Variants in HPSE2 observed in about 807,000 individuals in gnomAD.
HPSE2 encodes inactive heparanase-2.
In HPSE2, 38 loss-of-function variants were observed where a neutral mutation model predicts 60.5. That is an observed-to-expected ratio of 0.63 (90% CI 0.48 to 0.82). The LOEUF (loss-of-function observed/expected upper bound fraction) is 0.82, where lower values mean the gene tolerates loss of function less well. HPSE2 is among the 40% of genes least tolerant of loss of function. The probability of loss-of-function intolerance (pLI) is 0.00; values close to 1 mark genes in which losing one functional copy is unlikely to be tolerated. For missense variants in HPSE2, 713 were observed against 740.4 expected (o/e 0.96, Z 0.43); for synonymous variants, 295 against 293.2 (o/e 1.01, Z -0.06).
In HPSE2 at chr10:99,144,228, A is replaced by T; in HGVS notation, c.610+10T>A. On this transcript the variant is annotated intron_variant, in intron 3 of 11. Transcript: ENST00000370552. ...TGCTCTAAGATTTCAACCAACTCCAATAGCCTTACCTGTTAATATGAGATT... is the reference window on the plus strand; with the variant it reads ...TGCTCTAAGATTTCAACCAACTCCATTAGCCTTACCTGTTAATATGAGATT... 6.2e-7 allele frequency: 1 copy of T among 1,613,450 alleles called. No individual in the cohort carries two copies. The highest frequency in any genetic ancestry group is 8.5e-7 in the Non-Finnish European group (1 of 1,179,884).
At chr10:98,531,794 T>A (rs1415487039) in intron 9 of HPSE2, among the ~76,000 whole-genome samples, 1 of 152,148 alleles carries the variant, frequency 6.6e-6, no homozygotes, top group African/African-American at 2.4e-5. Flanking sequence ...CTGGTGACTC[T>A]GTATTTCCCC....
intron 3 of HPSE2, among the ~76,000 whole-genome samples, chr10:98,874,714 T>G (rs1254701191): frequency 1.3e-5 from 2 of 151,970 alleles, no homozygotes; most frequent in African/African-American, 4.8e-5. Context: ...TGCTTCCAAC[T>G]TTTGCCCATT....
chr10:99,048,726 T>C (rs1469108985), intron 3 of HPSE2, among the ~76,000 whole-genome samples: 5 of 152,172 alleles, frequency 3.3e-5, no homozygotes, highest in Non-Finnish European at 7.3e-5. Context: ...ATCCCATTAC[T>C]AGGTATATAC....
intron 5 of HPSE2, among the ~76,000 whole-genome samples, chr10:98,697,463 G>T (rs1048330841): frequency 5.3e-5 from 8 of 152,226 alleles, no homozygotes; most frequent in South Asian, 2.1e-4. Context: ...AGAGAAAAAA[G>T]AATGAAAAGG....
chr10:98,884,243 T>C (rs1233964161), intron 3 of HPSE2, among the ~76,000 whole-genome samples: 1 of 152,096 alleles, frequency 6.6e-6, no homozygotes, highest in Non-Finnish European at 1.5e-5. Flanking sequence ...AAAGAAGCTA[T>C]CTCCAGAACA....
rs114213078 is a variant in HPSE2 at position 98,683,528 on chromosome 10, C to T, written c.1004+10372G>A. On this transcript the variant is annotated intron_variant, in intron 6 of 11. Coordinates refer to ENST00000370552, the MANE Select transcript of HPSE2 (RefSeq NM_021828.5). ...TTGCATCCAAAAACAAGAAAACAAG[C>T]TATAAAAGGGACATTTTGAGGAATA... Among the ~76,000 whole-genome samples the T allele has an allele frequency of 5.5e-3, 838 of 151,682 alleles. 4 individuals are homozygous for T. Among genetic ancestry groups the T allele is most frequent in the African/African-American group, 0.019 (793 of 41,416 alleles).
In HPSE2 at chr10:99,072,789, C is replaced by T. The variant is rs576833389; in HGVS notation, c.610+71449G>A. Reference sequence around the variant, plus strand: ...AAATACAAAATAAAAATTAGCTGGGCGTGGTGGTGCACGCCTATAGTCCTA... The same window carrying T: ...AAATACAAAATAAAAATTAGCTGGGTGTGGTGGTGCACGCCTATAGTCCTA... On this transcript the variant is annotated intron_variant, in intron 3 of 11. Coordinates refer to ENST00000370552, the MANE Select transcript of HPSE2 (RefSeq NM_021828.5). Among the ~76,000 whole-genome samples, 14 of 151,896 alleles carry T rather than the reference C, an allele frequency of 9.2e-5. No individual in the cohort carries two copies. In the South Asian group the frequency reaches 1.5e-3, roughly 16 times the overall value.
At chr10:98,826,857 C>T (rs931374724) in intron 3 of HPSE2, among the ~76,000 whole-genome samples, 5 of 152,118 alleles carry the variant, frequency 3.3e-5, no homozygotes, top group Admixed American at 2.6e-4. Flanking sequence ...ACAAATTGAA[C>T]ACTTATCAGG....
chr10:98,600,911 G>GTGTGTATA (rs1554950517), intron 9 of HPSE2, among the ~76,000 whole-genome samples: 2 of 73,700 alleles, frequency 2.7e-5, no homozygotes, highest in African/African-American at 7.4e-5. Flanking sequence ...ATGTGTGTGT[G>GTGTGTATA]TATATATATA....
At chr10:99,181,780 T>C (rs925771716) in intron 2 of HPSE2, among the ~76,000 whole-genome samples, 2 of 152,002 alleles carry the variant, frequency 1.3e-5, no homozygotes, top group Non-Finnish European at 2.9e-5. Context: ...CTAATGTAGA[T>C]GACAGGTTGA....
intron 3 of HPSE2, among the ~76,000 whole-genome samples, chr10:99,102,727 T>A (rs1046612681): frequency 6.6e-6 from 1 of 151,758 alleles, no homozygotes; most frequent in African/African-American, 2.4e-5. Context: ...GATGCAAAAA[T>A]CCTCAATAAA....
intron 4 of HPSE2, among the ~76,000 whole-genome samples, chr10:98,728,200 T>C (rs1301266469): frequency 6.6e-6 from 1 of 152,118 alleles, no homozygotes; most frequent in Non-Finnish European, 1.5e-5. Context: ...TAAAAGACAG[T>C]GCATAAAACA....
chr10:98,527,909 G>T (rs987223716), intron 9 of HPSE2, among the ~76,000 whole-genome samples: 1 of 152,056 alleles, frequency 6.6e-6, no homozygotes, highest in Non-Finnish European at 1.5e-5. Context: ...CTACAGCCAC[G>T]GAGCTAATGA....
chr10:98,519,198 A>G (rs1942704422), intron 9 of HPSE2, among the ~76,000 whole-genome samples: 1 of 152,238 alleles, frequency 6.6e-6, no homozygotes, highest in Admixed American at 6.5e-5. Flanking sequence ...CATCATCATC[A>G]TCATCATTCA....
intron 3 of HPSE2, among the ~76,000 whole-genome samples, chr10:98,886,905 T>G (rs913122690): frequency 2.0e-5 from 3 of 152,106 alleles, no homozygotes; most frequent in African/African-American, 7.2e-5. Context: ...ATGGTATTAT[T>G]TGCAATGAGT....
At chr10:99,116,877 A>G (rs923055014) in intron 3 of HPSE2, among the ~76,000 whole-genome samples, 4 of 152,126 alleles carry the variant, frequency 2.6e-5, no homozygotes, top group African/African-American at 9.7e-5. Context: ...TGGCTCAGGA[A>G]CTGAAAGTAC....
chr10:98,517,199 T>TAG (rs141074574), intron 9 of HPSE2, among the ~76,000 whole-genome samples: 18 of 113,742 alleles, frequency 1.6e-4, no homozygotes, highest in African/African-American at 4.1e-4. Context: ...GGGTGTGGGG[T>TAG]GGGGGGGGCG....
the HPSE2 span, among the ~76,000 whole-genome samples, chr10:99,314,260 T>A: frequency 6.6e-6 from 1 of 152,190 alleles, no homozygotes; most frequent in African/African-American, 2.4e-5. Flanking sequence ...CCTCCTGACC[T>A]CAAGCCATTC....
At chr10:99,077,719 T>C (rs1371383207) in intron 3 of HPSE2, among the ~76,000 whole-genome samples, 3 of 52,332 alleles carry the variant, frequency 5.7e-5, no homozygotes, top group Non-Finnish European at 2.2e-4. Flanking sequence ...TGTGTATATA[T>C]ATGTGTGTGT....
Sources: gnomAD v4.1 joint callset for allele counts (sites outside exome capture counted in the v4.1 genomes callset) on GRCh38, gnomAD v4.1.1 for gene constraint, MANE v1.5 for transcripts, NCBI Gene and HGNC (gene_info 2026-07-23, HGNC 2026-07-21) for gene names.